SEMA5B: variants seen among roughly 807,000 people sequenced by gnomAD.
The protein encoded by SEMA5B is semaphorin 5B, also known as semaphorin-5B.
A neutral mutation model predicts 135.0 loss-of-function variants in SEMA5B; 66 were observed. The observed-to-expected ratio is 0.49, with a 90% confidence interval of 0.40 to 0.60. The LOEUF is 0.60. Ranked by LOEUF, SEMA5B falls within the 20% of genes least tolerant of loss-of-function variation. The probability of loss-of-function intolerance (pLI) is 0.00; values close to 1 mark genes in which losing one functional copy is unlikely to be tolerated. For missense variants in SEMA5B, 1,501 were observed against 1,566.3 expected, an observed-to-expected ratio of 0.96 and a Z score of 0.70; for synonymous variants, 690 against 639.5, an observed-to-expected ratio of 1.08 and a Z score of -1.19.
At chr3:122,963,027 T>C (rs1454818564) in intron 1 of SEMA5B, among the ~76,000 whole-genome samples, 1 of 152,112 alleles carries the variant, frequency 6.6e-6, no homozygotes, top group Non-Finnish European at 1.5e-5. Flanking sequence ...CTTTTCAGGG[T>C]GGCAAAGAGT....
At chr3:122,911,174 G>T in intron 21 of SEMA5B, 129 bp from the exon 22 acceptor site, 1 of 1,030,874 alleles carries the variant, frequency 9.7e-7, no homozygotes, top group Non-Finnish European at 1.4e-6. Flanking sequence ...TGAGGCCACA[G>T]CCAAAGGAAA....
intron 5 of SEMA5B, among the ~76,000 whole-genome samples, chr3:122,931,386 C>T (rs1409916608): frequency 2.0e-5 from 3 of 152,106 alleles, no homozygotes. Flanking sequence ...TAATTAAAAT[C>T]AACATTGGTA....
intron 2 of SEMA5B, among the ~76,000 whole-genome samples, chr3:122,956,541 G>A (rs904799730): frequency 5.3e-5 from 8 of 152,216 alleles, no homozygotes; most frequent in Non-Finnish European, 8.8e-5. Context: ...GCTACACAGC[G>A]ACCGGTGCCC....
At chr3:123,014,443 C>G (rs539863815) in intron 1 of SEMA5B, among the ~76,000 whole-genome samples, 1 of 152,250 alleles carries the variant, frequency 6.6e-6, no homozygotes, top group East Asian at 1.9e-4. Flanking sequence ...ATCCGACAAG[C>G]TCTTCATGAA....
In SEMA5B at chr3:122,910,019, A is replaced by T; in HGVS notation, c.*124T>A. On this transcript the variant is annotated 3_prime_UTR_variant, in exon 23 of 23. Coordinates refer to ENST00000357599, the MANE Select transcript of SEMA5B (RefSeq NM_001031702.4). The stretch of plus-strand genomic sequence containing the variant: ...TCTCTGAAGCCGGATGGGACCCCCC[A>T]CAGGCAAGGCAGCAAGTTCTTGGCC... 1 of 1,046,790 alleles carries T rather than the reference A, an allele frequency of 9.6e-7. No homozygotes were observed. Among genetic ancestry groups the T allele is most frequent in the Non-Finnish European group, 1.4e-6 (1 of 728,014 alleles). The allele number at this position is 1,046,790 out of a possible 1,614,324, so 64.8% of individuals were successfully genotyped here.
In SEMA5B at chr3:122,911,409, A is replaced by T. The variant is rs376467415; in HGVS notation, c.3091+82T>A. On this transcript the variant is annotated intron_variant, in intron 21 of 22. Transcript: ENST00000357599. ...ACAAAGCTTGGCTGTCTGGAGCAGGATGTGGAAAGAGTCCAGACTTTGGAG... is the reference window on the plus strand; with the variant it reads ...ACAAAGCTTGGCTGTCTGGAGCAGGTTGTGGAAAGAGTCCAGACTTTGGAG... The T allele has an allele frequency of 3.0e-4, 469 of 1,565,716 alleles. 1 individual carries two copies. The East Asian group carries it at 4.6e-3, about 15-fold the overall frequency.
chr3:122,969,574 G>A (rs577421102), intron 1 of SEMA5B, among the ~76,000 whole-genome samples: 1 of 152,248 alleles, frequency 6.6e-6, no homozygotes, highest in South Asian at 2.1e-4. Flanking sequence ...TCTCCAATGA[G>A]AGCTCCCAGC....
At chr3:123,006,240 CA>C (rs1234937781) in intron 1 of SEMA5B, among the ~76,000 whole-genome samples, 2 of 152,124 alleles carry the variant, frequency 1.3e-5, no homozygotes, top group African/African-American at 4.8e-5. Context: ...GTACATGAAC[CA>C]AATGAGGGGA....
chr3:122,920,886 A>C (rs1214513339), intron 12 of SEMA5B, among the ~76,000 whole-genome samples: 1 of 152,196 alleles, frequency 6.6e-6, no homozygotes, highest in African/African-American at 2.4e-5. Context: ...TCACACCAAC[A>C]GTCTTACAAA....
intron 1 of SEMA5B, among the ~76,000 whole-genome samples, chr3:122,981,817 C>CA (rs979831312): frequency 1.1e-4 from 17 of 152,330 alleles, no homozygotes; most frequent in Non-Finnish European, 2.4e-4. Context: ...AAGGGGGTCT[C>CA]ATTCCAGAAA....
At chr3:122,939,820 C>T (rs1939473839) in intron 4 of SEMA5B, among the ~76,000 whole-genome samples, 1 of 152,208 alleles carries the variant, frequency 6.6e-6, no homozygotes, top group African/African-American at 2.4e-5. Context: ...CTTGACCCCA[C>T]CTTTTCCAAC....
In SEMA5B at chr3:122,913,272, G is replaced by A; in HGVS notation, c.2433C>T (p.Gly811=). 6.3e-7 allele frequency: 1 copy of A among 1,584,488 alleles called. No individual in the cohort carries two copies. The highest frequency in any genetic ancestry group is 1.1e-5 in the South Asian group (1 of 88,232). Residue 811 remains glycine (G), a synonymous_variant, in exon 17 of 23, where the codon GGC becomes GGT. Coordinates refer to ENST00000357599, the MANE Select transcript of SEMA5B (RefSeq NM_001031702.4). ...CGGTCCTTCTCCTGCCGAACTGCAG[G>A]CCGTGCGGGTCTGCAAGGGGCGCGC... ...TCRAPLADPH[G]LQFGRRRTET... is the part of the protein sequence containing the mutation.
chr3:123,009,093 G>A (rs1418835250), intron 1 of SEMA5B, among the ~76,000 whole-genome samples: 1 of 152,156 alleles, frequency 6.6e-6, no homozygotes. Flanking sequence ...ACCCGTGGCA[G>A]GGCAATTTCT....
intron 3 of SEMA5B, among the ~76,000 whole-genome samples, chr3:122,945,106 G>C (rs1043368821): frequency 6.6e-6 from 1 of 152,154 alleles, no homozygotes; most frequent in Non-Finnish European, 1.5e-5. Context: ...ATTTCTGCAC[G>C]ACAGGCAAAC....
intron 2 of SEMA5B, among the ~76,000 whole-genome samples, chr3:122,959,589 A>G (rs1246950734): frequency 6.6e-6 from 1 of 151,970 alleles, no homozygotes; most frequent in Non-Finnish European, 1.5e-5. Context: ...CAAGAAGAAT[A>G]TAACAAGAAT....
At chr3:122,993,875 TAGTC>T (rs368100828) in intron 1 of SEMA5B, among the ~76,000 whole-genome samples, 2 of 149,188 alleles carry the variant, frequency 1.3e-5, no homozygotes, top group African/African-American at 5.1e-5. Context: ...TTTCACGAAA[TAGTC>T]AGCGGCATCG....
chr3:122,911,949 C>G lies in SEMA5B; in HGVS notation c.3017G>C (p.Ser1006Thr). The G allele has an allele frequency of 6.2e-7, 1 of 1,608,798 alleles. No homozygotes were observed. Among genetic ancestry groups the G allele is most frequent in the Non-Finnish European group, 8.5e-7 (1 of 1,176,334 alleles). ...SSACAGNSSQ[S>T]RPCPYSEIPV... ...AATCTCGCTGTAGGGGCAGGGGCGG[C>G]TCTGGCTGCTGTTTCCAGCACAGGC... is the stretch of plus-strand genomic sequence containing the variant. Residue 1006 changes from serine (S) to threonine (T), a missense_variant, in exon 20 of 23, where the codon AGC (serine) becomes ACC (threonine). Around this residue, in one of 2 missense-constraint regions of SEMA5B, gnomAD observed 927 missense variants for 881.6 expected, o/e 1.05. Coordinates refer to ENST00000357599, the MANE Select transcript of SEMA5B (RefSeq NM_001031702.4).
intron 12 of SEMA5B, among the ~76,000 whole-genome samples, chr3:122,917,614 G>C (rs9869982): frequency 0.055 from 8,374 of 152,106 alleles, 707 homozygotes; most frequent in African/African-American, 0.19. Context: ...CTCCTTGTCA[G>C]CAAAGGAGGG....
intron 1 of SEMA5B, among the ~76,000 whole-genome samples, chr3:122,962,825 C>T (rs1345667279): frequency 6.6e-6 from 1 of 152,146 alleles, no homozygotes; most frequent in East Asian, 1.9e-4. Flanking sequence ...CCAGCTTCCC[C>T]AACCCCCTGA....
Sources: allele counts gnomAD v4.1 joint callset (sites outside exome capture counted in the v4.1 genomes callset), GRCh38; gene constraint gnomAD v4.1.1; regional missense constraint gnomAD v4.1.1; transcripts MANE v1.5; gene names NCBI Gene and HGNC (gene_info 2026-07-23, HGNC 2026-07-21).